AMOTL1: variants seen among roughly 807,000 people sequenced by gnomAD.
The protein encoded by AMOTL1 is angiomotin-like protein 1.
A neutral mutation model predicts 102.9 loss-of-function variants in AMOTL1; 45 were observed. The observed-to-expected ratio is 0.44, with a 90% CI of 0.34 to 0.56. The LOEUF is 0.56. Ranked by LOEUF, AMOTL1 falls within the 20% of genes least tolerant of loss-of-function variation. The probability of loss-of-function intolerance (pLI) is 0.01; values close to 1 mark genes in which losing one functional copy is unlikely to be tolerated. For missense variants in AMOTL1, 1,114 were observed against 1,225.6 expected (o/e 0.91, Z 1.36); for synonymous variants, 481 against 484.7 (o/e 0.99, Z 0.10).
At chr11:94,750,097 G>A (rs890473243) in intron 3 of AMOTL1, among the ~76,000 whole-genome samples, 3 of 152,184 alleles carry the variant, frequency 2.0e-5, no homozygotes, top group African/African-American at 7.2e-5. Flanking sequence ...GTTACCCACA[G>A]TGGTACCCCC....
At chr11:94,817,551 A>G (rs1951786498) in intron 3 of AMOTL1, among the ~76,000 whole-genome samples, 3 of 152,202 alleles carry the variant, frequency 2.0e-5, no homozygotes, top group African/African-American at 7.2e-5. Flanking sequence ...AGCCTAATAT[A>G]TCTTAGTAAA....
At position 94,821,659 on chromosome 11, in the gene AMOTL1, T is replaced by C. The variant is rs749696121; in HGVS notation, c.1251T>C (p.Ala417=). The change falls in exon 4 of 13, where the codon GCT becomes GCC. Residue 417 remains alanine, a synonymous_variant. Transcript: ENST00000433060. The stretch of plus-strand genomic sequence containing the variant: ...TTCCACTCCCGATGGCCCTGGGTGC[T>C]CCACAGCCCCCGCCTGCCGCCTCCC... ...LPLPLPMALG[A]PQPPPAASPS... is the part of the protein sequence containing the mutation. The C allele has an allele frequency of 6.2e-7, 1 of 1,613,902 alleles. No homozygotes were observed. Among genetic ancestry groups the C allele is most frequent in the East Asian group, 2.2e-5 (1 of 44,880 alleles).
intron 1 of AMOTL1, among the ~76,000 whole-genome samples, chr11:94,714,525 A>T (rs900140712): frequency 6.6e-6 from 1 of 152,066 alleles, no homozygotes; most frequent in African/African-American, 2.4e-5. Flanking sequence ...TTCTTTTTGG[A>T]GAGATTTGTA....
chr11:94,828,028 C>T (rs1327495547), intron 4 of AMOTL1, among the ~76,000 whole-genome samples: 2 of 152,164 alleles, frequency 1.3e-5, no homozygotes, highest in Non-Finnish European at 2.9e-5. Context: ...CAGCCACTCT[C>T]CTGGCTTTTA....
At chr11:94,813,249 G>T (rs186891388) in intron 3 of AMOTL1, among the ~76,000 whole-genome samples, 1 of 152,216 alleles carries the variant, frequency 6.6e-6, no homozygotes. Context: ...ACATGGATAC[G>T]CAGACCTTCA....
intron 6 of AMOTL1, among the ~76,000 whole-genome samples, chr11:94,843,509 A>T (rs908316890): frequency 2.0e-5 from 3 of 152,226 alleles, no homozygotes; most frequent in African/African-American, 7.2e-5. Flanking sequence ...AACCTCAGAA[A>T]AAAAGAAATT....
rs541903567 is a variant in AMOTL1, at chr11:94,808,236, A to G, written c.1121+7925A>G. Reference sequence around the variant, plus strand: ...TACATGTGATTGCTTCCTCTGCCCTACTGTTTCACTAAGCAAGACTAAGGC... The same window carrying G: ...TACATGTGATTGCTTCCTCTGCCCTGCTGTTTCACTAAGCAAGACTAAGGC... On this transcript the variant is annotated intron_variant, in intron 3 of 12. Coordinates refer to ENST00000433060, the MANE Select transcript of AMOTL1 (RefSeq NM_130847.3). Among the ~76,000 whole-genome samples, 6 of 151,344 alleles carry G rather than the reference A, an allele frequency of 4.0e-5. No homozygotes were observed. The South Asian group carries it at 1.1e-3, about 27-fold the overall frequency.
At chr11:94,823,904 A>G (rs966029896) in intron 4 of AMOTL1, among the ~76,000 whole-genome samples, 1 of 151,352 alleles carries the variant, frequency 6.6e-6, no homozygotes, top group Non-Finnish European at 1.5e-5. Flanking sequence ...GTATTTTAGT[A>G]GAGACGGGGT....
chr11:94,769,232 A>T (rs1474777657), intron 1 of AMOTL1, among the ~76,000 whole-genome samples: 1 of 152,212 alleles, frequency 6.6e-6, no homozygotes, highest in African/African-American at 2.4e-5. Flanking sequence ...CGCGGGGAGA[A>T]AATTTAAACT....
rs1951442434 is a variant in AMOTL1 at position 94,799,966 on chromosome 11, G to A, written c.776G>A (p.Arg259His). The change falls in exon 3 of 13, where the codon CGC (arginine) becomes CAC (histidine). Residue 259 changes from arginine to histidine, a missense_variant. Arg to His is a conservative substitution (Grantham distance 29). Coordinates refer to ENST00000433060, the MANE Select transcript of AMOTL1 (RefSeq NM_130847.3). The surrounding 1 kb of genome is among the most constrained non-coding windows in gnomAD (Gnocchi z 4.5). The stretch of plus-strand genomic sequence containing the variant: ...AAGGAACTGAAGCAGGGCCACGTCC[G>A]CTCGCTCAGCGAGAGAATCATGCAG... ...ALKELKQGHV[R>H]SLSERIMQLS... 3.7e-6 allele frequency: 6 copies of A among 1,613,906 alleles called. No homozygotes were observed. The highest frequency in any genetic ancestry group is 2.7e-5 in the African/African-American group (2 of 74,936).
chr11:94,789,056 G>A (rs533533784), intron 1 of AMOTL1, among the ~76,000 whole-genome samples: 177 of 152,294 alleles, frequency 1.2e-3, no homozygotes, highest in African/African-American at 4.2e-3. Flanking sequence ...CCAAACCTCG[G>A]GTTTCAGGTA....
At chr11:94,749,792 C>T (rs1950629836) in intron 3 of AMOTL1, among the ~76,000 whole-genome samples, 1 of 152,164 alleles carries the variant, frequency 6.6e-6, no homozygotes, top group Non-Finnish European at 1.5e-5. Flanking sequence ...TAGTAACCAC[C>T]ATTAAATGTC....
chr11:94,834,560 C>G (rs1481698114), intron 6 of AMOTL1, among the ~76,000 whole-genome samples: 1 of 152,040 alleles, frequency 6.6e-6, no homozygotes, highest in Non-Finnish European at 1.5e-5. Flanking sequence ...CCACTGCACT[C>G]CAGCCTGGGC....
rs1565344520 is a variant in AMOTL1, at chr11:94,768,408, GGTGAAGCCCTGT to G, written c.-98_-87del. On this transcript the variant is annotated 5_prime_UTR_variant, in exon 1 of 13. It adds an upstream start codon to the 5' untranslated region. Coordinates refer to ENST00000433060, the MANE Select transcript of AMOTL1 (RefSeq NM_130847.3). ...AGCGGTTGTCGGGTTTGGGGCTGGAGGTGAAGCCCTGTGTGAATGGGGTTGATTGTCCGGCGC... is the reference window on the plus strand; with the variant it reads ...AGCGGTTGTCGGGTTTGGGGCTGGAGGTGAATGGGGTTGATTGTCCGGCGC... 7 of 1,529,042 alleles carry G rather than the reference GGTGAAGCCCTGT, an allele frequency of 4.6e-6. No homozygotes were observed. The highest frequency in any genetic ancestry group is 2.0e-5 in the Admixed American group (1 of 50,230). The allele number at this position is 1,529,042 out of a possible 1,614,324, so 94.7% of individuals were successfully genotyped here.
At chr11:94,737,725 T>A (rs2135470777) in intron 2 of AMOTL1, among the ~76,000 whole-genome samples, 1 of 152,312 alleles carries the variant, frequency 6.6e-6, no homozygotes, top group African/African-American at 2.4e-5. Context: ...TCTGAGCCCA[T>A]CCACTCATAA....
At chr11:94,713,154 A>G (rs938041734) in intron 1 of AMOTL1, among the ~76,000 whole-genome samples, 13 of 151,878 alleles carry the variant, frequency 8.6e-5, no homozygotes, top group East Asian at 3.9e-4. Flanking sequence ...TTGTCAAGAA[A>G]TCAACTGGGC....
rs141696628 is a variant in AMOTL1 at position 94,871,965 on chromosome 11, A to T, written c.*1170A>T. 1.9e-4 allele frequency: 29 copies of T among 150,672 alleles called. No homozygotes were observed. Among genetic ancestry groups the T allele is most frequent in the Non-Finnish European group, 3.4e-4 (23 of 67,724 alleles). The allele number at this position is 150,672 out of a possible 1,614,324, so 9.3% of individuals were successfully genotyped here. A position where few individuals can be genotyped will look rare whatever the true frequency, so the allele number is the denominator to read the frequency against. ...TATTGAGGCTCATGAGCGTATTCAC[A>T]CTCTTTCCTCCCCCGCGCACGCCTC... On this transcript the variant is annotated 3_prime_UTR_variant, in exon 13 of 13. Coordinates refer to ENST00000433060, the MANE Select transcript of AMOTL1 (RefSeq NM_130847.3).
chr11:94,856,623 G>A (rs991866564), intron 8 of AMOTL1, among the ~76,000 whole-genome samples: 1 of 152,076 alleles, frequency 6.6e-6, no homozygotes, highest in African/African-American at 2.4e-5. Context: ...CAGTTCTTGG[G>A]CAGCAGCCTC....
rs1014186201 is a variant in AMOTL1 at position 94,775,231 on chromosome 11, G to C, written c.49+6671G>C. On this transcript the variant is annotated intron_variant, in intron 1 of 12. Transcript: ENST00000433060. ...TGACGGTAAGTTTCATTGCTACTTG[G>C]GGGACTTGGTAACGATTGCATAGAC... Among the ~76,000 whole-genome samples the C allele has an allele frequency of 2.0e-5, 3 of 152,120 alleles. No individual in the cohort carries two copies. In the East Asian group the frequency reaches 5.8e-4, roughly 29 times the overall value.
Sources: gnomAD v4.1 joint callset for allele counts (sites outside exome capture counted in the v4.1 genomes callset) on GRCh38, gnomAD v4.1.1 for gene constraint, Gnocchi (gnomAD v3.1) non-coding constraint, MANE v1.5 for transcripts, NCBI Gene and HGNC (gene_info 2026-07-23, HGNC 2026-07-21) for gene names.